Variants in DLC1 observed in about 807,000 individuals in gnomAD.
DLC1 encodes the protein rho GTPase-activating protein 7.
DLC1 carries 54 observed loss-of-function variants against 140.3 expected under a neutral mutation model. The observed-to-expected ratio is 0.38, with a 90% CI of 0.31 to 0.48. The LOEUF (loss-of-function observed/expected upper bound fraction) is 0.48. DLC1 is among the 20% of genes least tolerant of loss of function. The pLI, the probability that DLC1 is intolerant of heterozygous loss-of-function variation, is 0.96. For missense variants in DLC1, 2,536 were observed against 1,907.0 expected (o/e 1.33, Z -6.14); for synonymous variants, 986 against 728.1 (o/e 1.35, Z -5.70).
chr8:13,544,287 G>C (rs1013512592), intron 1 of DLC1, among the ~76,000 whole-genome samples: 4 of 151,842 alleles, frequency 2.6e-5, no homozygotes, highest in Admixed American at 1.3e-4. Flanking sequence ...TTGCAACCCA[G>C]AGACCAGAAG....
chr8:13,502,006 G>C (rs12679891), intron 1 of DLC1, among the ~76,000 whole-genome samples: 5,201 of 152,214 alleles, frequency 0.034, 315 homozygotes, highest in East Asian at 0.22. Context: ...GTGGTATTAC[G>C]ATGTCACTCC....
chr8:13,588,703 A>G (rs1011590927), intron 1 of DLC1, among the ~76,000 whole-genome samples: 8 of 152,150 alleles, frequency 5.3e-5, no homozygotes, highest in Admixed American at 2.0e-4. Flanking sequence ...TTCAGAAATT[A>G]TGGCTACTTG....
rs547968952 is a variant in DLC1 at position 13,441,413 on chromosome 8, C to G, written c.1024-39794G>C. 6.0e-4 allele frequency among the ~76,000 whole-genome samples: 91 copies of G among 152,206 alleles called. 1 individual carries two copies. The highest frequency in any genetic ancestry group is 4.9e-4 in the Non-Finnish European group (33 of 68,038). On this transcript the variant is annotated intron_variant, in intron 2 of 17. Transcript: ENST00000276297. ...GTATTCAATTAGGAAAAGAGGAAGT[C>G]AAACTGTCCCTGTTTGCAGACAACA... is the stretch of plus-strand genomic sequence containing the variant.
chr8:13,404,736 G>A (rs1041281069), intron 2 of DLC1, among the ~76,000 whole-genome samples: 15 of 151,964 alleles, frequency 9.9e-5, no homozygotes, highest in Non-Finnish European at 2.2e-4. Context: ...GGTGGCTCAC[G>A]CCTATAATCC....
intron 2 of DLC1, among the ~76,000 whole-genome samples, chr8:13,471,629 C>T (rs1456474527): frequency 6.6e-6 from 1 of 151,732 alleles, no homozygotes; most frequent in Admixed American, 6.6e-5. Flanking sequence ...CAACAAAACC[C>T]TATGACACGA....
At chr8:13,108,685 C>G (rs1001365004) in intron 7 of DLC1, among the ~76,000 whole-genome samples, 4 of 152,200 alleles carry the variant, frequency 2.6e-5, no homozygotes, top group Non-Finnish European at 4.4e-5. Context: ...AGAGTGCCCA[C>G]TCTCTAACTG....
chr8:13,112,973 C>A (rs1585660109), intron 6 of DLC1, among the ~76,000 whole-genome samples: 1 of 152,152 alleles, frequency 6.6e-6, no homozygotes, highest in East Asian at 1.9e-4. Flanking sequence ...TGCCTATTAC[C>A]TATATGTGAG....
At chr8:13,412,461 G>A (rs1473067622) in intron 2 of DLC1, among the ~76,000 whole-genome samples, 1 of 152,034 alleles carries the variant, frequency 6.6e-6, no homozygotes, top group African/African-American at 2.4e-5. Context: ...TGTCTTCGTT[G>A]TGGCATTTTT....
At chr8:13,565,111 C>T (rs1484220730) in intron 1 of DLC1, among the ~76,000 whole-genome samples, 1 of 152,238 alleles carries the variant, frequency 6.6e-6, no homozygotes, top group South Asian at 2.1e-4. Flanking sequence ...CCTTAGATAA[C>T]ACACTTACTA....
chr8:13,259,139 G>GAAAAAAAAAAAAA (rs776038964), intron 5 of DLC1, among the ~76,000 whole-genome samples: 8 of 66,538 alleles, frequency 1.2e-4, no homozygotes, highest in Non-Finnish European at 1.9e-4. Flanking sequence ...TCCGTCTCAA[G>GAAAAAAAAAAAAA]AAAAAAAAAA....
intron 5 of DLC1, among the ~76,000 whole-genome samples, chr8:13,156,690 G>C (rs928598692): frequency 2.0e-5 from 3 of 152,136 alleles, no homozygotes; most frequent in African/African-American, 7.2e-5. Context: ...AAGTGTCCCT[G>C]TATCTGATGT....
At chr8:13,506,146 G>GAT (rs1230369652) in intron 1 of DLC1, among the ~76,000 whole-genome samples, 10 of 151,736 alleles carry the variant, frequency 6.6e-5, no homozygotes, top group African/African-American at 9.7e-5. Flanking sequence ...GAATACATGT[G>GAT]ATATATATAT....
At chr8:13,447,694 T>C (rs1798843152) in intron 2 of DLC1, among the ~76,000 whole-genome samples, 1 of 152,204 alleles carries the variant, frequency 6.6e-6, no homozygotes, top group African/African-American at 2.4e-5. Flanking sequence ...GAAGATTAAA[T>C]GTACAAGATC....
chr8:13,387,384 T>G (rs13277472), intron 4 of DLC1, among the ~76,000 whole-genome samples: 1 of 151,790 alleles, frequency 6.6e-6, no homozygotes, highest in South Asian at 2.1e-4. Context: ...AGCAAACATA[T>G]AGTATATGAT....
At chr8:13,331,462 G>C (rs752313070) in intron 4 of DLC1, among the ~76,000 whole-genome samples, 75 of 152,200 alleles carry the variant, frequency 4.9e-4, no homozygotes, top group Middle Eastern at 6.8e-3. Context: ...TCCAAGTTGA[G>C]GACTGGTTAT....
rs1056429023 is a variant in DLC1 at position 13,401,557 on chromosome 8, C to G, written c.1086G>C (p.Leu362=). The G allele has an allele frequency of 6.2e-7, 1 of 1,613,630 alleles. No homozygotes were observed. Among genetic ancestry groups the G allele is most frequent in the South Asian group, 1.1e-5 (1 of 91,046 alleles). The change falls in exon 3 of 18, where the codon CTG becomes CTC. Residue 362 remains leucine, a synonymous_variant. Transcript: ENST00000276297. ...LDSMVLLIMK[L]DQLDQDIENA... is the part of the protein sequence containing the mutation. ...TTTCTATGTCCTGATCAAGCTGGTC[C>G]AGTTTCATAATCAGCAGCACCATGG...
chr8:13,285,116 C>T (rs1025627399), intron 5 of DLC1, among the ~76,000 whole-genome samples: 6 of 152,142 alleles, frequency 3.9e-5, no homozygotes, highest in Admixed American at 1.3e-4. Flanking sequence ...ATTTACACTG[C>T]CTGATTCCAA....
At chr8:13,152,865 A>G (rs1823938199) in intron 5 of DLC1, among the ~76,000 whole-genome samples, 2 of 147,212 alleles carry the variant, frequency 1.4e-5, no homozygotes, top group African/African-American at 5.0e-5. Flanking sequence ...TTGGTCAATT[A>G]TCTGAAAAGC....
Position 13,479,802 on chromosome 8 carries a change from AAAGAAGAAGAAG to A in DLC1, c.1023+19235_1023+19246del, listed in dbSNP as rs60625191. On this transcript the variant is annotated intron_variant, in intron 2 of 17. Transcript: ENST00000276297. Reference sequence around the variant, plus strand: ...AAAAGAAAAGGAAAAGAAAGAAAGAAAAGAAGAAGAAGAAGAAGAAGAAGAAGAAGAAGAAGA... The same window carrying A: ...AAAAGAAAAGGAAAAGAAAGAAAGAAAAGAAGAAGAAGAAGAAGAAGAAGA... Among the ~76,000 whole-genome samples, 207 of 56,984 alleles carry A rather than the reference AAAGAAGAAGAAG, an allele frequency of 3.6e-3. 9 individuals carry two copies. Among genetic ancestry groups the A allele is most frequent in the Middle Eastern group, 0.016 (2 of 122 alleles). The allele number at this position is 56,984 out of a possible 152,430, so 37.4% of individuals were successfully genotyped here. A position where few individuals can be genotyped will look rare whatever the true frequency, so the allele number is the denominator to read the frequency against.
Sources: gnomAD v4.1 joint callset for allele counts (sites outside exome capture counted in the v4.1 genomes callset) on GRCh38, gnomAD v4.1.1 for gene constraint, MANE v1.5 for transcripts, NCBI Gene and HGNC (gene_info 2026-07-23, HGNC 2026-07-21) for gene names.